The following KLHL14 variants were observed in gnomAD, a reference collection of about 807,000 sequenced individuals.
KLHL14 encodes kelch-like protein 14.
Under a neutral mutation model 64.3 loss-of-function variants are expected in KLHL14, and 22 were observed. That is an observed-to-expected ratio of 0.34 (90% confidence interval 0.24 to 0.49). The LOEUF (loss-of-function observed/expected upper bound fraction) is 0.49. Ranked by LOEUF, KLHL14 falls within the 20% of genes least tolerant of loss-of-function variation. The probability of loss-of-function intolerance (pLI) is 0.99; values close to 1 mark genes in which losing one functional copy is unlikely to be tolerated. For synonymous variants in KLHL14, 322 were observed against 333.4 expected, an observed-to-expected ratio of 0.97 and a Z score of 0.37; for missense variants, 661 against 789.0, an observed-to-expected ratio of 0.84 and a Z score of 1.94.
At chr18:32,679,046 A>C (rs560350780) in intron 7 of KLHL14, among the ~76,000 whole-genome samples, 1 of 152,300 alleles carries the variant, frequency 6.6e-6, no homozygotes, top group South Asian at 2.1e-4. Flanking sequence ...AGCACCGTTG[A>C]AAGAGATAAA....
chr18:32,694,023 T>TGCAAAACA (rs2049925142), intron 4 of KLHL14, among the ~76,000 whole-genome samples: 1 of 152,302 alleles, frequency 6.6e-6, no homozygotes, highest in African/African-American at 2.4e-5. Flanking sequence ...GGAACAGGTT[T>TGCAAAACA]TCTGTGTTGC....
At chr18:32,759,042 C>G (rs1027084942) in intron 2 of KLHL14, among the ~76,000 whole-genome samples, 1 of 152,106 alleles carries the variant, frequency 6.6e-6, no homozygotes, top group Admixed American at 6.5e-5. Context: ...GGCCACACAA[C>G]TCTGTGAATA....
chr18:32,718,223 A>T (rs1027550172), intron 3 of KLHL14, among the ~76,000 whole-genome samples: 1 of 152,208 alleles, frequency 6.6e-6, no homozygotes, highest in Admixed American at 6.5e-5. Context: ...CACTGACTAT[A>T]GAATAGTATC....
chr18:32,749,933 C>T (rs1481044214), intron 2 of KLHL14, among the ~76,000 whole-genome samples: 1 of 152,000 alleles, frequency 6.6e-6, no homozygotes, highest in Non-Finnish European at 1.5e-5. Context: ...AATTATTTCT[C>T]ATAGTTTTGG....
chr18:32,711,523 G>A lies in KLHL14; in HGVS notation c.1070-15971C>T, dbSNP rs558498224. 3.3e-5 allele frequency among the ~76,000 whole-genome samples: 5 copies of A among 152,210 alleles called. No individual in the cohort carries two copies. In the South Asian group the frequency reaches 6.2e-4, roughly 19 times the overall value. On this transcript the variant is annotated intron_variant, in intron 3 of 8. Transcript: ENST00000359358. ...TTCTCATTTTCCTGGTGACAAAATG[G>A]GGAGTAACATCACTCTTACCTGCAA... is the stretch of plus-strand genomic sequence containing the variant.
chr18:32,685,175 C>T (rs747339979), intron 5 of KLHL14, among the ~76,000 whole-genome samples: 2 of 152,100 alleles, frequency 1.3e-5, no homozygotes, highest in Non-Finnish European at 2.9e-5. Context: ...TTTATCAGGT[C>T]AATGAGCTGC....
intron 4 of KLHL14, among the ~76,000 whole-genome samples, chr18:32,687,935 G>A (rs559078850): frequency 2.6e-5 from 4 of 152,104 alleles, no homozygotes; most frequent in Non-Finnish European, 4.4e-5. Flanking sequence ...TGTGTATTTG[G>A]GGGGAGCACA....
intron 3 of KLHL14, among the ~76,000 whole-genome samples, chr18:32,707,568 TC>T (rs1377427533): frequency 6.6e-6 from 1 of 152,246 alleles, no homozygotes; most frequent in Non-Finnish European, 1.5e-5. Context: ...GCTGAATACT[TC>T]CTTTTCTTCT....
intron 3 of KLHL14, among the ~76,000 whole-genome samples, chr18:32,735,082 GTTATTATT>G (rs2050157928): frequency 6.6e-6 from 1 of 152,188 alleles, no homozygotes; most frequent in African/African-American, 2.4e-5. Flanking sequence ...CTAAGAGTAG[GTTATTATT>G]TCAATTAGCC....
intron 4 of KLHL14, among the ~76,000 whole-genome samples, chr18:32,692,538 A>G (rs1462058714): frequency 6.6e-6 from 1 of 152,190 alleles, no homozygotes; most frequent in Non-Finnish European, 1.5e-5. Flanking sequence ...TATTTTAGAG[A>G]TGGTTGAGTC....
chr18:32,747,196 G>A (rs1438509165), intron 2 of KLHL14, among the ~76,000 whole-genome samples: 2 of 152,094 alleles, frequency 1.3e-5, no homozygotes, highest in Non-Finnish European at 2.9e-5. Context: ...TAGAGCAGTG[G>A]TCCTCAACCT....
chr18:32,761,632 GCC>G (rs1468751365), intron 2 of KLHL14, among the ~76,000 whole-genome samples: 1 of 152,094 alleles, frequency 6.6e-6, no homozygotes, highest in Non-Finnish European at 1.5e-5. Context: ...CCCAGCCCAT[GCC>G]ACTTTTCTCT....
intron 2 of KLHL14, among the ~76,000 whole-genome samples, chr18:32,757,110 A>G (rs1221589839): frequency 6.6e-6 from 1 of 152,252 alleles, no homozygotes; most frequent in East Asian, 1.9e-4. Context: ...ATTGTTCATG[A>G]AGATACATAA....
chr18:32,686,846 A>G (rs1272463368), intron 5 of KLHL14, among the ~76,000 whole-genome samples: 1 of 152,210 alleles, frequency 6.6e-6, no homozygotes, highest in African/African-American at 2.4e-5. Context: ...GGGTTTAAAT[A>G]TATTATCACC....
chr18:32,763,892 G>C (rs2050327174), intron 2 of KLHL14, among the ~76,000 whole-genome samples: 1 of 152,074 alleles, frequency 6.6e-6, no homozygotes, highest in Admixed American at 6.5e-5. Flanking sequence ...CCGTCTATTG[G>C]GGTCTGAGAC....
chr18:32,689,012 G>A (rs1044333544), intron 4 of KLHL14, among the ~76,000 whole-genome samples: 2 of 152,198 alleles, frequency 1.3e-5, no homozygotes, highest in Non-Finnish European at 2.9e-5. Flanking sequence ...TGAGTCATTA[G>A]GGATGGCTGC....
At chr18:32,771,344 G>A (rs939131738) in intron 1 of KLHL14, among the ~76,000 whole-genome samples, 2 of 152,154 alleles carry the variant, frequency 1.3e-5, no homozygotes, top group Non-Finnish European at 2.9e-5. Flanking sequence ...CCCGCTCAGT[G>A]GAATCGGCAG....
In KLHL14 at chr18:32,769,836, G is replaced by A. The variant is rs774974126; in HGVS notation, c.756C>T (p.Thr252=). 1.2e-6 allele frequency: 2 copies of A among 1,613,772 alleles called. No homozygotes were observed. Among genetic ancestry groups the A allele is most frequent in the Middle Eastern group, 1.7e-4 (1 of 6,060 alleles). The change falls in exon 2 of 9, where the codon ACC becomes ACT. Residue 252 remains threonine, a synonymous_variant. Transcript: ENST00000359358. ...SVLWLEHDRE[T]RMQYAPDLMK... ...TGAGGTCAGGCGCATACTGCATGCG[G>A]GTCTCGCGGTCGTGCTCCAGCCACA...
At chr18:32,749,880 C>T (rs970769719) in intron 2 of KLHL14, among the ~76,000 whole-genome samples, 2 of 151,950 alleles carry the variant, frequency 1.3e-5, no homozygotes, top group Non-Finnish European at 1.5e-5. Flanking sequence ...GTTCAGGCTG[C>T]GATAACAAAA....
Sources: gnomAD v4.1 joint callset for allele counts (sites outside exome capture counted in the v4.1 genomes callset) on GRCh38, gnomAD v4.1.1 for gene constraint, MANE v1.5 for transcripts, NCBI Gene and HGNC (gene_info 2026-07-23, HGNC 2026-07-21) for gene names.